PODXL2: variants seen among roughly 807,000 people sequenced by gnomAD.
The protein encoded by PODXL2 is podocalyxin like 2.
In PODXL2, 17 loss-of-function variants were observed where a neutral mutation model predicts 53.4. That is an observed-to-expected ratio of 0.32 (90% CI 0.22 to 0.48). The LOEUF is 0.48. PODXL2 is among the 20% of genes least tolerant of loss of function. The pLI, the probability that PODXL2 is intolerant of heterozygous loss-of-function variation, is 0.99. For synonymous variants in PODXL2, 311 were observed against 306.7 expected (o/e 1.01, Z -0.15); for missense variants, 673 against 760.0 (o/e 0.89, Z 1.35).
chr3:127,649,133 A>G lies in PODXL2; in HGVS notation c.349+9610A>G, dbSNP rs2074673846. Among the ~76,000 whole-genome samples, 3 of 152,264 alleles carry G rather than the reference A, an allele frequency of 2.0e-5. No homozygotes were observed. The South Asian group carries it at 6.2e-4, about 32-fold the overall frequency. ...TTTTTCCTTTATAGGACATATATAAAAATATGCTTTTACAAAAAATGGACA... is the reference window on the plus strand; with the variant it reads ...TTTTTCCTTTATAGGACATATATAAGAATATGCTTTTACAAAAAATGGACA... On this transcript the variant is annotated intron_variant, in intron 2 of 7. Coordinates refer to ENST00000342480, the MANE Select transcript of PODXL2 (RefSeq NM_015720.4).
intron 2 of PODXL2, among the ~76,000 whole-genome samples, chr3:127,640,816 G>A (rs886563631): frequency 1.3e-5 from 2 of 152,120 alleles, no homozygotes; most frequent in Non-Finnish European, 2.9e-5. Context: ...GTGCAAAATT[G>A]GAATCATAGG....
chr3:127,655,354 C>T (rs902224636), intron 2 of PODXL2, among the ~76,000 whole-genome samples: 1 of 151,096 alleles, frequency 6.6e-6, no homozygotes, highest in African/African-American at 2.4e-5. Flanking sequence ...TGGAGTGAGC[C>T]GAGATCACAC....
At chr3:127,672,074 G>A (rs931644918) in intron 7 of PODXL2, among the ~76,000 whole-genome samples, 194 bp from the exon 8 acceptor site, 1 of 152,248 alleles carries the variant, frequency 6.6e-6, no homozygotes, top group Non-Finnish European at 1.5e-5. Flanking sequence ...GGGAGGCCAC[G>A]GGGCTTTGTA....
intron 6 of PODXL2, 72 bp from the exon 7 acceptor site, chr3:127,671,362 A>G: frequency 7.1e-7 from 1 of 1,410,170 alleles, no homozygotes; most frequent in East Asian, 2.3e-5. Flanking sequence ...ACCCGAGCCC[A>G]ATGCAACCAC....
intron 2 of PODXL2, among the ~76,000 whole-genome samples, chr3:127,652,837 C>A (rs2074698167): frequency 1.3e-5 from 2 of 152,146 alleles, no homozygotes; most frequent in Non-Finnish European, 2.9e-5. Context: ...CCCTGGAGCG[C>A]TCAGCTGGTC....
intron 1 of PODXL2, among the ~76,000 whole-genome samples, chr3:127,637,800 G>A (rs1379472429): frequency 1.3e-5 from 2 of 152,190 alleles, no homozygotes; most frequent in Admixed American, 6.5e-5. Flanking sequence ...GCTGCACAGT[G>A]TGCACAGACT....
At chr3:127,662,060 G>C (rs949974164) in intron 3 of PODXL2, among the ~76,000 whole-genome samples, 177 bp from the exon 4 acceptor site, 4 of 152,108 alleles carry the variant, frequency 2.6e-5, no homozygotes, top group African/African-American at 9.7e-5. Context: ...AAAGACATTC[G>C]AGTTTGTACT....
At chr3:127,650,966 T>C (rs1445511631) in intron 2 of PODXL2, among the ~76,000 whole-genome samples, 1 of 151,838 alleles carries the variant, frequency 6.6e-6, no homozygotes, top group Non-Finnish European at 1.5e-5. Flanking sequence ...GCTGTAATAC[T>C]CCTAAAACTG....
At chr3:127,643,503 C>T (rs1421153480) in intron 2 of PODXL2, among the ~76,000 whole-genome samples, 1 of 152,122 alleles carries the variant, frequency 6.6e-6, no homozygotes, top group African/African-American at 2.4e-5. Flanking sequence ...AGCCACCACA[C>T]CCAGCAAAAT....
intron 2 of PODXL2, among the ~76,000 whole-genome samples, chr3:127,643,452 C>G (rs2074633925): frequency 1.3e-5 from 2 of 152,104 alleles, no homozygotes; most frequent in Non-Finnish European, 2.9e-5. Flanking sequence ...TCAAGTGATC[C>G]ACCTGCCTCA....
At chr3:127,667,947 A>G (rs904614327) in intron 4 of PODXL2, among the ~76,000 whole-genome samples, 6 of 152,128 alleles carry the variant, frequency 3.9e-5, no homozygotes, top group East Asian at 1.9e-4. Flanking sequence ...TGGTAGTTAC[A>G]TGGTGCACAC....
chr3:127,639,126 G>A, intron 1 of PODXL2, 119 bp from the exon 2 acceptor site: 7 of 1,001,048 alleles, frequency 7.0e-6, no homozygotes, highest in Non-Finnish European at 1.0e-5. Flanking sequence ...GTTTTCAGGA[G>A]TGTCCACTGA....
intron 2 of PODXL2, among the ~76,000 whole-genome samples, chr3:127,659,010 A>T (rs1021771824): frequency 3.3e-5 from 5 of 152,100 alleles, no homozygotes; most frequent in African/African-American, 1.2e-4. Flanking sequence ...AGCCATTAAA[A>T]ATTTGAATTT....
rs532680926 is a variant in PODXL2, at chr3:127,655,357, G to C, written c.350-5021G>C. ...GAAGGTGGAGGTTGGAGTGAGCCGA[G>C]ATCACACCACTACACTTCAGCCTGG... On this transcript the variant is annotated intron_variant, in intron 2 of 7. Coordinates refer to ENST00000342480, the MANE Select transcript of PODXL2 (RefSeq NM_015720.4). Among the ~76,000 whole-genome samples, 3 of 151,320 alleles carry C rather than the reference G, an allele frequency of 2.0e-5. No homozygotes were observed. In the East Asian group the frequency reaches 5.9e-4, roughly 30 times the overall value.
Position 127,668,737 on chromosome 3 carries a change from T to C in PODXL2, c.1363+140T>C, listed in dbSNP as rs578134088. On this transcript the variant is annotated intron_variant, in intron 5 of 7. Coordinates refer to ENST00000342480, the MANE Select transcript of PODXL2 (RefSeq NM_015720.4). ...CAGTAGTTTGAGCTACTTAGCTTAG[T>C]GGTCAAGGTGTACCCACCAGCTTGG... is the stretch of plus-strand genomic sequence containing the variant. 12 of 832,498 alleles carry C rather than the reference T, an allele frequency of 1.4e-5. No individual in the cohort carries two copies. The South Asian group carries it at 2.8e-4, about 20-fold the overall frequency. 51.6% of individuals were successfully genotyped at this position (832,498 alleles called of 1,614,324 possible). A position where few individuals can be genotyped will look rare whatever the true frequency, so the allele number is the denominator to read the frequency against.
chr3:127,670,740 C>T (rs2074826985), intron 6 of PODXL2, among the ~76,000 whole-genome samples: 1 of 152,210 alleles, frequency 6.6e-6, no homozygotes, highest in African/African-American at 2.4e-5. Context: ...TGGTGCTCGC[C>T]CTCCTGCTTC....
In PODXL2 at chr3:127,672,713, C is replaced by T; in HGVS notation, c.*233C>T. 1 of 429,298 alleles carries T rather than the reference C, an allele frequency of 2.3e-6. No individual in the cohort carries two copies. Among genetic ancestry groups the T allele is most frequent in the Non-Finnish European group, 4.0e-6 (1 of 247,684 alleles). 26.6% of individuals were successfully genotyped at this position (429,298 alleles called of 1,614,324 possible). A position where few individuals can be genotyped will look rare whatever the true frequency, so the allele number is the denominator to read the frequency against. On this transcript the variant is annotated 3_prime_UTR_variant, in exon 8 of 8. Coordinates refer to ENST00000342480, the MANE Select transcript of PODXL2 (RefSeq NM_015720.4). ...GCCCGCCTTGGCCCCGCTTTCCCGC[C>T]CCTGAACCCCGGCCCCGCGGGCGGC...
intron 2 of PODXL2, among the ~76,000 whole-genome samples, chr3:127,658,318 A>G (rs904218959): frequency 6.6e-6 from 1 of 151,762 alleles, no homozygotes; most frequent in Non-Finnish European, 1.5e-5. Flanking sequence ...TTCTAATTTG[A>G]ACCAATTGCT....
At chr3:127,668,988 G>A (rs1416028749) in intron 5 of PODXL2, among the ~76,000 whole-genome samples, 153 bp from the exon 6 acceptor site, 1 of 152,220 alleles carries the variant, frequency 6.6e-6, no homozygotes, top group Non-Finnish European at 1.5e-5. Flanking sequence ...GTCTAAGAGA[G>A]GGGGAGGCAT....
Sources: allele counts gnomAD v4.1 joint callset (sites outside exome capture counted in the v4.1 genomes callset), GRCh38; gene constraint gnomAD v4.1.1; transcripts MANE v1.5; gene names NCBI Gene and HGNC (gene_info 2026-07-23, HGNC 2026-07-21).